CREM: variants seen among roughly 807,000 people sequenced by gnomAD.
CREM encodes the protein cAMP responsive element modulator.
Under a neutral mutation model 37.3 loss-of-function variants are expected in CREM, and 13 were observed. The observed-to-expected ratio is 0.35, with a 90% confidence interval of 0.23 to 0.55. The LOEUF (loss-of-function observed/expected upper bound fraction) is 0.55. Ranked by LOEUF, CREM falls within the 20% of genes least tolerant of loss-of-function variation. The pLI, the probability that CREM is intolerant of heterozygous loss-of-function variation, is 0.88. For synonymous variants in CREM, 124 were observed against 120.2 expected (o/e 1.03, Z -0.21); for missense variants, 296 against 362.3 (o/e 0.82, Z 1.49).
At chr10:35,134,055 G>GT (rs143726656) in intron 1 of CREM, among the ~76,000 whole-genome samples, 18,209 of 131,296 alleles carry the variant, frequency 0.14, 1,206 homozygotes, top group South Asian at 0.21. Flanking sequence ...AAAGTTTTTT[G>GT]TTTTTTTTTT....
intron 2 of CREM, among the ~76,000 whole-genome samples, chr10:35,140,882 G>GA (rs2091323177): frequency 1.3e-5 from 2 of 152,146 alleles, no homozygotes; most frequent in Non-Finnish European, 2.9e-5. Context: ...GTCTGATTAG[G>GA]AGGCTGGCAT....
intron 3 of CREM, among the ~76,000 whole-genome samples, chr10:35,162,988 A>C (rs1001313590): frequency 4.6e-5 from 7 of 151,826 alleles, no homozygotes; most frequent in Non-Finnish European, 7.4e-5. Context: ...AGTCAGGAGG[A>C]TTACTTGAGC....
chr10:35,138,958 T>C (rs2091043356), intron 2 of CREM, among the ~76,000 whole-genome samples: 1 of 152,018 alleles, frequency 6.6e-6, no homozygotes, highest in South Asian at 2.1e-4. Context: ...ATATTAATAT[T>C]TTATTAATTT....
intron 1 of CREM, among the ~76,000 whole-genome samples, chr10:35,127,764 C>T (rs893206059): frequency 7.9e-5 from 12 of 152,222 alleles, no homozygotes; most frequent in African/African-American, 2.7e-4. Flanking sequence ...GGCGCATTTT[C>T]CCTTCTGCCT....
chr10:35,167,651 A>C (rs917106729), intron 3 of CREM: 10 of 1,476,462 alleles, frequency 6.8e-6, no homozygotes, highest in African/African-American at 4.2e-5. Context: ...TTGCAAAGCC[A>C]AATAAGGCTG....
At chr10:35,166,160 A>G (rs1307500704) in intron 3 of CREM, among the ~76,000 whole-genome samples, 1 of 152,230 alleles carries the variant, frequency 6.6e-6, no homozygotes, top group African/African-American at 2.4e-5. Flanking sequence ...TAATAATCAT[A>G]CTTGGCTTAT....
intron 6 of CREM, among the ~76,000 whole-genome samples, chr10:35,203,536 A>G (rs895124661): frequency 6.6e-6 from 1 of 152,056 alleles, no homozygotes; most frequent in East Asian, 1.9e-4. Flanking sequence ...TACTAAACAT[A>G]CAAAAATTAG....
intron 3 of CREM, chr10:35,158,510 GC>G: frequency 5.0e-6 from 1 of 200,696 alleles, no homozygotes; most frequent in Non-Finnish European, 1.1e-5. Flanking sequence ...GGAGAAGGAG[GC>G]CCAGGAGAAA....
rs2093616648 is a variant in CREM at position 35,167,626 on chromosome 10, TA to T, written c.169-11262del. ...TTTTCCCAGTTATAAGTGTCACTAT[TA>T]GGGTTTTTTTTAATTGCAAAGCCAA... On this transcript the variant is annotated intron_variant, in intron 3 of 7. Coordinates refer to ENST00000685392, the MANE Select transcript of CREM (RefSeq NM_183011.2). 2.7e-6 allele frequency: 3 copies of T among 1,131,530 alleles called. No individual in the cohort carries two copies. The South Asian group carries it at 3.9e-5, about 15-fold the overall frequency. The allele number at this position is 1,131,530 out of a possible 1,614,324, so 70.1% of individuals were successfully genotyped here.
intron 3 of CREM, among the ~76,000 whole-genome samples, chr10:35,175,421 G>T (rs1381887975): frequency 6.6e-6 from 1 of 152,076 alleles, no homozygotes; most frequent in Non-Finnish European, 1.5e-5. Context: ...ACTCCAGCCT[G>T]GGCAGCAGAG....
At chr10:35,155,330 T>C (rs2092828210) in intron 3 of CREM, among the ~76,000 whole-genome samples, 1 of 152,148 alleles carries the variant, frequency 6.6e-6, no homozygotes, top group Non-Finnish European at 1.5e-5. Context: ...TTCTGTATGA[T>C]TTTCTTTAGT....
At chr10:35,185,033 C>CCATTCATT (rs34576035) in intron 5 of CREM, among the ~76,000 whole-genome samples, 5,181 of 149,038 alleles carry the variant, frequency 0.035, 170 homozygotes, top group African/African-American at 0.083. Flanking sequence ...GAAATGATAG[C>CCATTCATT]CATTCATTCA....
At chr10:35,175,909 G>GT (rs1440880560) in intron 3 of CREM, 8 of 1,553,404 alleles carry the variant, frequency 5.1e-6, no homozygotes, top group Non-Finnish European at 7.0e-6. Flanking sequence ...CTCTAGTGCA[G>GT]TTACCTTCGG....
chr10:35,194,757 A>G (rs542970723), intron 6 of CREM, among the ~76,000 whole-genome samples: 1 of 148,540 alleles, frequency 6.7e-6, no homozygotes, highest in South Asian at 2.1e-4. Flanking sequence ...TTTTTTTTTA[A>G]ATCTCCAAGT....
In CREM at chr10:35,211,836, A is replaced by G. The variant is rs1788461055; in HGVS notation, c.*438A>G. 1.3e-6 allele frequency: 2 copies of G among 1,564,222 alleles called. No individual in the cohort carries two copies. The highest frequency in any genetic ancestry group is 2.8e-5 in the African/African-American group (2 of 72,704). ...TAACTATGAACTGAAGGCAGCATGT[A>G]TAGTTGCTTTTGAAGGAATACAATA... is the stretch of plus-strand genomic sequence containing the variant. On this transcript the variant is annotated 3_prime_UTR_variant, in exon 8 of 8. Transcript: ENST00000685392.
At position 35,194,097 on chromosome 10, in the gene CREM, C is replaced by CAAAAAAAAAAAAAAA. The variant is rs371978117; in HGVS notation, c.598+5722_598+5736dup. Among the ~76,000 whole-genome samples, 65 of 25,054 alleles carry CAAAAAAAAAAAAAAA rather than the reference C, an allele frequency of 2.6e-3. 3 individuals carry two copies. The highest frequency in any genetic ancestry group is 6.0e-3 in the South Asian group (2 of 332). 16.4% of individuals were successfully genotyped at this position (25,054 alleles called of 152,430 possible). ...GGGGGAGAATAGCGAGACTTCATCT[C>CAAAAAAAAAAAAAAA]AAAAAAAAAAAAAAAAAAAAAAAAA... On this transcript the variant is annotated intron_variant, in intron 6 of 7. Transcript: ENST00000685392.
chr10:35,178,002 T>A (rs2094172315), intron 3 of CREM, among the ~76,000 whole-genome samples: 1 of 152,226 alleles, frequency 6.6e-6, no homozygotes, highest in Admixed American at 6.5e-5. Flanking sequence ...CACCTCCGTG[T>A]ACTTCGGGAA....
chr10:35,148,639 G>C, intron 3 of CREM, 148 bp downstream of exon 3: 1 of 865,094 alleles, frequency 1.2e-6, no homozygotes, highest in Non-Finnish European at 1.7e-6. Flanking sequence ...GAAAAGATAC[G>C]TGTTGTAATT....
At position 35,211,372 on chromosome 10, in the gene CREM, G is replaced by C. The variant is rs1460109517; in HGVS notation, c.874G>C (p.Asp292His). 6.2e-7 allele frequency: 1 copy of C among 1,614,020 alleles called. No homozygotes were observed. Among genetic ancestry groups the C allele is most frequent in the East Asian group, 2.2e-5 (1 of 44,882 alleles). The part of the protein sequence containing the change: ...TLIEELKALK[D>H]LYCHKVE ...CATTGAGGAACTCAAGGCCCTCAAAGATCTTTATTGCCATAAAGTAGAGTA... is the reference window on the plus strand; with the variant it reads ...CATTGAGGAACTCAAGGCCCTCAAACATCTTTATTGCCATAAAGTAGAGTA... The change falls in exon 8 of 8, where the codon GAT becomes CAT. Residue 292 changes from aspartate (D) to histidine (H), a missense_variant. This residue lies in a region of CREM where 39 missense variants were observed against 82.0 expected (regional missense o/e 0.48). Coordinates refer to ENST00000685392, the MANE Select transcript of CREM (RefSeq NM_183011.2).
Sources: allele counts gnomAD v4.1 joint callset (sites outside exome capture counted in the v4.1 genomes callset), GRCh38; gene constraint gnomAD v4.1.1; regional missense constraint gnomAD v4.1.1; transcripts MANE v1.5; gene names NCBI Gene and HGNC (gene_info 2026-07-23, HGNC 2026-07-21).